The following CDH12 variants were observed in gnomAD, a reference collection of about 807,000 sequenced individuals.
CDH12 encodes the protein cadherin 12.
CDH12 carries 41 observed loss-of-function variants against 74.1 expected under a neutral mutation model. The ratio of observed to expected loss-of-function variants is 0.55; its 90% CI spans 0.43 to 0.72. The LOEUF (loss-of-function observed/expected upper bound fraction) is 0.72. CDH12 is among the 30% of genes least tolerant of loss of function. The pLI is 0.00. For synonymous variants in CDH12, 399 were observed against 355.0 expected (o/e 1.12, Z -1.39); for missense variants, 945 against 977.2 (o/e 0.97, Z 0.44).
chr5:22,283,205 GATATATAT>G (rs1229134274), intron 3 of CDH12, among the ~76,000 whole-genome samples: 46 of 107,984 alleles, frequency 4.3e-4, no homozygotes, highest in African/African-American at 7.8e-4. Flanking sequence ...ACATCTGTGA[GATATATAT>G]ATAGATATAT....
At chr5:22,183,597 T>A (rs1446302253) in intron 4 of CDH12, among the ~76,000 whole-genome samples, 1 of 151,980 alleles carries the variant, frequency 6.6e-6, no homozygotes, top group Non-Finnish European at 1.5e-5. Flanking sequence ...AACCAAAAAT[T>A]TTACCCTTAA....
chr5:21,882,983 T>C, intron 6 of CDH12: 1 of 1,599,640 alleles, frequency 6.3e-7, no homozygotes, highest in Non-Finnish European at 8.6e-7. Context: ...TCCAGAAGAT[T>C]AGCAAAGGTG....
chr5:22,376,120 T>C (rs980204710), intron 3 of CDH12, among the ~76,000 whole-genome samples: 6 of 152,126 alleles, frequency 3.9e-5, no homozygotes, highest in African/African-American at 7.2e-5. Flanking sequence ...TATTCTGCCA[T>C]AAAAATGAAT....
chr5:22,445,757 G>C (rs2126550734), intron 2 of CDH12, among the ~76,000 whole-genome samples: 1 of 152,194 alleles, frequency 6.6e-6, no homozygotes, highest in Non-Finnish European at 1.5e-5. Flanking sequence ...AGGGCACCCT[G>C]TGGGCATACT....
intron 8 of CDH12, among the ~76,000 whole-genome samples, chr5:21,826,821 T>C (rs574007301): frequency 6.6e-6 from 1 of 152,284 alleles, no homozygotes; most frequent in East Asian, 1.9e-4. Context: ...ATTAACTAAT[T>C]TTATCTTCAC....
At chr5:22,586,837 A>ATTTTTTTTTTTTTTTTTTTTTTTTTTT (rs11417237) in intron 1 of CDH12, among the ~76,000 whole-genome samples, 1 of 105,450 alleles carries the variant, frequency 9.5e-6, no homozygotes, top group African/African-American at 3.7e-5. Context: ...TTAGAGGAGG[A>ATTTTTTTTTTTTTTTTTTTTTTTTTTT]TTTTTTTTTT....
intron 1 of CDH12, among the ~76,000 whole-genome samples, chr5:22,600,239 C>A (rs1054011768): frequency 6.6e-6 from 1 of 152,098 alleles, no homozygotes; most frequent in African/African-American, 2.4e-5. Context: ...CAGCATCTGG[C>A]ACACAATGCT....
chr5:22,112,294 T>C (rs539312566), intron 4 of CDH12, among the ~76,000 whole-genome samples: 16 of 152,166 alleles, frequency 1.1e-4, no homozygotes, highest in Non-Finnish European at 1.8e-4. Flanking sequence ...TCAAACTCTC[T>C]AATTTTCTAT....
At chr5:21,880,127 G>C (rs1348978952) in intron 6 of CDH12, among the ~76,000 whole-genome samples, 1 of 152,188 alleles carries the variant, frequency 6.6e-6, no homozygotes, top group Non-Finnish European at 1.5e-5. Context: ...ACTTCTTACA[G>C]TACTGAACCT....
intron 5 of CDH12, among the ~76,000 whole-genome samples, chr5:21,998,204 T>C (rs1300163064): frequency 6.6e-6 from 1 of 152,088 alleles, no homozygotes; most frequent in African/African-American, 2.4e-5. Context: ...TAATAAGCTT[T>C]ACCTACAAGC....
chr5:22,416,767 T>A (rs1455059218), intron 2 of CDH12, among the ~76,000 whole-genome samples: 1 of 152,188 alleles, frequency 6.6e-6, no homozygotes, highest in East Asian at 1.9e-4. Flanking sequence ...AGGACCCAAA[T>A]AAGAAATTTG....
At chr5:22,153,836 A>G (rs1418595790) in intron 4 of CDH12, among the ~76,000 whole-genome samples, 2 of 145,566 alleles carry the variant, frequency 1.4e-5, no homozygotes, top group East Asian at 2.0e-4. Context: ...AAAAGGTTAT[A>G]TATATACATA....
chr5:21,862,698 T>C (rs1751109622), intron 6 of CDH12, among the ~76,000 whole-genome samples: 1 of 152,188 alleles, frequency 6.6e-6, no homozygotes, highest in Admixed American at 6.6e-5. Flanking sequence ...CTAGGTATTA[T>C]TTCCATTGGA....
intron 8 of CDH12, among the ~76,000 whole-genome samples, chr5:21,822,268 T>C (rs192638676): frequency 1.4e-5 from 2 of 147,432 alleles, no homozygotes; most frequent in Admixed American, 6.9e-5. Flanking sequence ...GTATAGTCTA[T>C]ATGTATTATA....
At chr5:22,191,972 G>C (rs1352464440) in intron 4 of CDH12, among the ~76,000 whole-genome samples, 1 of 152,136 alleles carries the variant, frequency 6.6e-6, no homozygotes, top group Non-Finnish European at 1.5e-5. Context: ...GGCTTGGTCT[G>C]TCTCCCAGGC....
intron 6 of CDH12, among the ~76,000 whole-genome samples, chr5:21,937,710 C>G (rs1014222825): frequency 1.3e-5 from 2 of 152,136 alleles, no homozygotes; most frequent in African/African-American, 4.8e-5. Context: ...AAGTGGGTCC[C>G]ACAGGGAGAG....
chr5:22,580,546 G>A (rs576694979), intron 1 of CDH12: 210 of 467,820 alleles, frequency 4.5e-4, no homozygotes, highest in Admixed American at 2.1e-3. Context: ...GCTCAGAGAT[G>A]CTCATCAGGG....
intron 1 of CDH12, among the ~76,000 whole-genome samples, chr5:22,708,842 CGCAAAA>C (rs1294264024): frequency 6.6e-6 from 1 of 152,046 alleles, no homozygotes; most frequent in Non-Finnish European, 1.5e-5. Flanking sequence ...ATCAGAGAAT[CGCAAAA>C]GCACTAGCAG....
chr5:22,146,014 G>A (rs1747153588), intron 4 of CDH12, among the ~76,000 whole-genome samples: 1 of 146,522 alleles, frequency 6.8e-6, no homozygotes, highest in Non-Finnish European at 1.5e-5. Flanking sequence ...ATGAAAATGT[G>A]CCTGGGTTAT....
Sources: gnomAD v4.1 joint callset for allele counts (sites outside exome capture counted in the v4.1 genomes callset) on GRCh38, gnomAD v4.1.1 for gene constraint, MANE v1.5 for transcripts, NCBI Gene and HGNC (gene_info 2026-07-23, HGNC 2026-07-21) for gene names.